CDKN2A: variants seen among roughly 807,000 people sequenced by gnomAD.
CDKN2A encodes cyclin-dependent kinase inhibitor 2A.
A neutral mutation model predicts 11.1 loss-of-function variants in CDKN2A; 3 were observed. That is an observed-to-expected ratio of 0.27 (90% CI 0.12 to 0.70). The LOEUF is 0.70. CDKN2A is among the 30% of genes least tolerant of loss of function. The pLI is 0.77. For synonymous variants in CDKN2A, 122 were observed against 108.1 expected, an observed-to-expected ratio of 1.13 and a Z score of -0.80; for missense variants, 265 against 233.6, an observed-to-expected ratio of 1.13 and a Z score of -0.88.
chr9:21,986,404 C>T (rs1214660731), intron 2 of CDKN2A, among the ~76,000 whole-genome samples: 3 of 151,916 alleles, frequency 2.0e-5, no homozygotes, highest in African/African-American at 7.2e-5. Flanking sequence ...GTGACTTATA[C>T]GGCTGATGCT....
chr9:21,981,019 T>TAC (rs1170992596), intron 2 of CDKN2A, among the ~76,000 whole-genome samples: 300 of 5,216 alleles, frequency 0.058, 135 homozygotes, highest in African/African-American at 0.22. Flanking sequence ...TATATATATA[T>TAC]ACGTGTATAT....
Position 21,974,319 on chromosome 9 carries a change from A to C in CDKN2A, c.150+359T>G. ...CCAGGTATCTGTGAATTGGAGGCTA[A>C]GTAGTCCCAGCACATCTTACATTTC... On this transcript the variant is annotated intron_variant, in intron 1 of 2. Transcript: ENST00000304494. The surrounding 1 kb of genome is among the most constrained non-coding windows in gnomAD (Gnocchi z 5.2). 8.8e-7 allele frequency: 1 copy of C among 1,138,906 alleles called. No homozygotes were observed. Among genetic ancestry groups the C allele is most frequent in the Non-Finnish European group, 1.2e-6 (1 of 844,556 alleles). 70.6% of individuals were successfully genotyped at this position (1,138,906 alleles called of 1,614,324 possible). A position where few individuals can be genotyped will look rare whatever the true frequency, so the allele number is the denominator to read the frequency against.
At position 21,974,250 on chromosome 9, in the gene CDKN2A, G is replaced by T. The variant is rs983511167; in HGVS notation, c.150+428C>A. On this transcript the variant is annotated intron_variant, in intron 1 of 2. Transcript: ENST00000304494. The surrounding 1 kb of genome is among the most constrained non-coding windows in gnomAD (Gnocchi z 5.2). ...GATATTTATTCCAACATACACCACA[G>T]ATTTCCACTGATAATCCCTCCTAGT... 2.0e-4 allele frequency among the ~76,000 whole-genome samples: 30 copies of T among 152,150 alleles called. No individual in the cohort carries two copies.
intron 2 of CDKN2A, among the ~76,000 whole-genome samples, chr9:21,990,207 G>A (rs1423837124): frequency 6.6e-6 from 1 of 152,160 alleles, no homozygotes; most frequent in African/African-American, 2.4e-5. Context: ...GCCAAGTGCT[G>A]TGACCAGAGG....
At chr9:21,990,197 G>C (rs765704965) in intron 2 of CDKN2A, among the ~76,000 whole-genome samples, 1 of 152,118 alleles carries the variant, frequency 6.6e-6, no homozygotes, top group East Asian at 1.9e-4. Flanking sequence ...CAAGAAGGGC[G>C]CCAAGTGCTG....
chr9:21,984,551 G>T (rs1424498673), intron 2 of CDKN2A, among the ~76,000 whole-genome samples: 1 of 151,984 alleles, frequency 6.6e-6, no homozygotes, highest in African/African-American at 2.4e-5. Flanking sequence ...GCTAACACAA[G>T]CATATATAAT....
chr9:21,979,988 T>C (rs1241575450), intron 2 of CDKN2A, among the ~76,000 whole-genome samples: 1 of 151,962 alleles, frequency 6.6e-6, no homozygotes, highest in Non-Finnish European at 1.5e-5. Context: ...TGTTCCAGAG[T>C]TGGGTTCTGG....
chr9:21,968,039 A>G lies in CDKN2A; in HGVS notation c.*190T>C. The G allele has an allele frequency of 1.6e-6, 1 of 610,488 alleles. No individual in the cohort carries two copies. Among genetic ancestry groups the G allele is most frequent in the Non-Finnish European group, 2.9e-6 (1 of 339,058 alleles). The allele number at this position is 610,488 out of a possible 1,614,324, so 37.8% of individuals were successfully genotyped here. ...TAAGAATATATAAAAAATGATATAAATGGACATTTACGGTAGTGGGGGAAG... is the reference window on the plus strand; with the variant it reads ...TAAGAATATATAAAAAATGATATAAGTGGACATTTACGGTAGTGGGGGAAG... On this transcript the variant is annotated 3_prime_UTR_variant, in exon 3 of 3. Transcript: ENST00000304494. The surrounding 1 kb of genome is among the most constrained non-coding windows in gnomAD (Gnocchi z 4.7).
At chr9:21,973,530 G>C (rs1819877846) in intron 1 of CDKN2A, among the ~76,000 whole-genome samples, 2 of 152,070 alleles carry the variant, frequency 1.3e-5, no homozygotes, top group Non-Finnish European at 2.9e-5. Flanking sequence ...CAAACTCCCG[G>C]GTTCAAGCTG....
At chr9:21,989,457 G>A (rs1032565972) in intron 2 of CDKN2A, 5 of 152,102 alleles carry the variant, frequency 3.3e-5, no homozygotes, top group Non-Finnish European at 7.3e-5. Flanking sequence ...ATCGTCACTG[G>A]AAAAATACTA....
chr9:21,984,287 CA>C (rs199861672), intron 2 of CDKN2A, among the ~76,000 whole-genome samples: 2 of 151,270 alleles, frequency 1.3e-5, no homozygotes, highest in East Asian at 1.9e-4. Context: ...GAAGAATTTC[CA>C]AAAAAAACCC....
intron 1 of CDKN2A, chr9:21,994,106 A>G (rs1166547928): frequency 6.3e-7 from 1 of 1,593,212 alleles, no homozygotes; most frequent in Non-Finnish European, 8.5e-7. Flanking sequence ...CAAGTGCCGA[A>G]TGCGCCCCGG....
Position 21,974,402 on chromosome 9 carries a change from A to C in CDKN2A, c.150+276T>G, listed in dbSNP as rs1286382826. The C allele has an allele frequency of 1.9e-6, 3 of 1,591,584 alleles. No homozygotes were observed. The East Asian group carries it at 6.9e-5, about 37-fold the overall frequency. ...AAATTTTGTATCTGATAAAGAGCAT[A>C]CTTCCATCTAATACAAATATGTTCC... On this transcript the variant is annotated intron_variant, in intron 1 of 2. Coordinates refer to ENST00000304494, the MANE Select transcript of CDKN2A (RefSeq NM_000077.5). This position sits in a 1 kb window ranked among gnomAD's most constrained non-coding sequence, Gnocchi z 5.2.
upstream of CDKN2A, among the ~76,000 whole-genome samples, chr9:21,977,586 G>C (rs1416233680): frequency 6.6e-6 from 1 of 151,970 alleles, no homozygotes; most frequent in Admixed American, 6.6e-5. Context: ...GGCTTGTCTC[G>C]AACTCCTGAC....
At chr9:21,969,226 TAAAC>T (rs557854504) in intron 2 of CDKN2A, among the ~76,000 whole-genome samples, 36 of 152,194 alleles carry the variant, frequency 2.4e-4, no homozygotes, top group Admixed American at 1.9e-3. Context: ...TCGTCTCTAT[TAAAC>T]AAACAAACAA....
chr9:21,970,842 A>G (rs2131090715), intron 2 of CDKN2A, 60 bp downstream of exon 2: 1 of 1,591,938 alleles, frequency 6.3e-7, no homozygotes, highest in Admixed American at 1.7e-5. Context: ...GTGCTGGAAA[A>G]TGAATGCTCT....
At chr9:21,989,549 A>G (rs769534227) in intron 2 of CDKN2A, 8 of 152,170 alleles carry the variant, frequency 5.3e-5, no homozygotes, top group Admixed American at 1.3e-4. Context: ...TTGGGTCTCC[A>G]TCTGGCTTGG....
Position 21,967,908 on chromosome 9 carries a change from G to C in CDKN2A, c.*321C>G, listed in dbSNP as rs1434193993. ...ACAGCTTCCGGAGGCTGCGAGGCTCGCAAGAAATGCCCACATGAATGTGCG... is the reference window on the plus strand; with the variant it reads ...ACAGCTTCCGGAGGCTGCGAGGCTCCCAAGAAATGCCCACATGAATGTGCG... On this transcript the variant is annotated 3_prime_UTR_variant, in exon 3 of 3. Transcript: ENST00000304494. 4 of 373,122 alleles carry C rather than the reference G, an allele frequency of 1.1e-5. No individual in the cohort carries two copies. Among genetic ancestry groups the C allele is most frequent in the Non-Finnish European group, 1.9e-5 (4 of 207,034 alleles). The allele number at this position is 373,122 out of a possible 1,614,324, so 23.1% of individuals were successfully genotyped here. A position where few individuals can be genotyped will look rare whatever the true frequency, so the allele number is the denominator to read the frequency against.
At chr9:21,971,374 T>C in intron 1 of CDKN2A, 166 bp from the exon 2 acceptor site, 1 of 1,483,238 alleles carries the variant, frequency 6.7e-7, no homozygotes, top group East Asian at 2.5e-5. Context: ...GAGTTCTCTA[T>C]CCATTCTTCA....
Sources: allele counts gnomAD v4.1 joint callset (sites outside exome capture counted in the v4.1 genomes callset), GRCh38; gene constraint gnomAD v4.1.1; non-coding constraint Gnocchi (gnomAD v3.1); transcripts MANE v1.5; gene names NCBI Gene and HGNC (gene_info 2026-07-23, HGNC 2026-07-21).